The following FYN variants were observed in gnomAD, a reference collection of about 807,000 sequenced individuals.
FYN encodes FYN proto-oncogene, Src family tyrosine kinase.
Under a neutral mutation model 70.2 loss-of-function variants are expected in FYN, and 10 were observed. The ratio of observed to expected loss-of-function variants is 0.14; its 90% CI spans 0.09 to 0.24. The LOEUF (loss-of-function observed/expected upper bound fraction) is 0.24. FYN is among the 10% of genes least tolerant of loss of function. FYN has a pLI of 1.00. For missense variants in FYN, 319 were observed against 673.1 expected (o/e 0.47, Z 5.82); for synonymous variants, 236 against 248.6 (o/e 0.95, Z 0.48).
intron 3 of FYN, among the ~76,000 whole-genome samples, chr6:111,733,619 T>C (rs1801566639): frequency 6.6e-6 from 1 of 152,082 alleles, no homozygotes; most frequent in Non-Finnish European, 1.5e-5. Flanking sequence ...ATCAGTGCAT[T>C]AGCCCAGAAC....
chr6:111,810,011 T>G (rs1772274298), intron 2 of FYN, among the ~76,000 whole-genome samples: 1 of 152,168 alleles, frequency 6.6e-6, no homozygotes, highest in African/African-American at 2.4e-5. Flanking sequence ...TTTCCTTACT[T>G]TATAAAAAGC....
At chr6:111,856,548 T>C (rs184830925) in intron 1 of FYN, among the ~76,000 whole-genome samples, 18 of 152,314 alleles carry the variant, frequency 1.2e-4, no homozygotes, top group African/African-American at 3.6e-4. Context: ...TTAATCTATA[T>C]GGACATATGT....
At chr6:111,822,814 A>G (rs1356106890) in intron 2 of FYN, among the ~76,000 whole-genome samples, 1 of 152,114 alleles carries the variant, frequency 6.6e-6, no homozygotes, top group Non-Finnish European at 1.5e-5. Flanking sequence ...CGAGGGGAGG[A>G]CAATGTTGAG....
chr6:111,804,640 C>T (rs1772093574), intron 2 of FYN, among the ~76,000 whole-genome samples: 1 of 152,090 alleles, frequency 6.6e-6, no homozygotes, highest in East Asian at 1.9e-4. Context: ...TGGGGTATAA[C>T]ACATAATCAG....
intron 3 of FYN, among the ~76,000 whole-genome samples, chr6:111,776,267 T>C (rs1411307723): frequency 6.6e-6 from 1 of 151,772 alleles, no homozygotes; most frequent in Non-Finnish European, 1.5e-5. Flanking sequence ...GGGGTTGGAG[T>C]GGAGCAGGGG....
At chr6:111,689,092 A>G (rs1484259601) in intron 12 of FYN, among the ~76,000 whole-genome samples, 1 of 152,366 alleles carries the variant, frequency 6.6e-6, no homozygotes. Context: ...TTTACATTTC[A>G]CAACTCTCAA....
intron 3 of FYN, among the ~76,000 whole-genome samples, chr6:111,728,256 A>G (rs1437744350): frequency 6.6e-6 from 1 of 152,188 alleles, no homozygotes; most frequent in Non-Finnish European, 1.5e-5. Flanking sequence ...ACAGGTTGTA[A>G]AGTTTTTTCA....
chr6:111,660,991 G>C lies in FYN; in HGVS notation c.*748C>G, dbSNP rs1228323545. On this transcript the variant is annotated 3_prime_UTR_variant, in exon 14 of 14. Coordinates refer to ENST00000354650, the MANE Select transcript of FYN (RefSeq NM_002037.5). Reference sequence around the variant, plus strand: ...CAGCTTGGGGGGTGGTTCCTGAAAAGAGTCAAAGTAACAACCACCTACAGG... The same window carrying C: ...CAGCTTGGGGGGTGGTTCCTGAAAACAGTCAAAGTAACAACCACCTACAGG... 2 of 152,154 alleles carry C rather than the reference G, an allele frequency of 1.3e-5. No homozygotes were observed. Among genetic ancestry groups the C allele is most frequent in the African/African-American group, 4.8e-5 (2 of 41,430 alleles). 9.4% of individuals were successfully genotyped at this position (152,154 alleles called of 1,614,324 possible).
intron 12 of FYN, among the ~76,000 whole-genome samples, chr6:111,681,397 G>A: frequency 6.6e-6 from 1 of 152,180 alleles, no homozygotes; most frequent in East Asian, 1.9e-4. Context: ...CTGGGCTCAA[G>A]TGGTCCTCCT....
rs533541054 is a variant in FYN at position 111,795,169 on chromosome 6, C to T, written c.-81-14534G>A. Among the ~76,000 whole-genome samples the T allele has an allele frequency of 4.8e-4, 72 of 150,592 alleles. 3 individuals are homozygous for T. The South Asian group carries it at 5.6e-3, about 12-fold the overall frequency. The stretch of plus-strand genomic sequence containing the variant: ...ATGATTGAAACCCTAAACCCTAGCA[C>T]ACATCAGAATGTGACTATATTTGCA... On this transcript the variant is annotated intron_variant, in intron 2 of 13. Transcript: ENST00000354650.
chr6:111,682,620 T>A (rs1798824500), intron 12 of FYN, among the ~76,000 whole-genome samples: 1 of 152,204 alleles, frequency 6.6e-6, no homozygotes, highest in African/African-American at 2.4e-5. Flanking sequence ...GAGTGGATGC[T>A]CTTCAGTGAC....
chr6:111,740,306 C>T (rs1319569704), intron 3 of FYN, among the ~76,000 whole-genome samples: 1 of 152,128 alleles, frequency 6.6e-6, no homozygotes, highest in Non-Finnish European at 1.5e-5. Flanking sequence ...CATTTCAGTG[C>T]TGTTCATGAT....
chr6:111,734,468 A>G (rs1232891185), intron 3 of FYN, among the ~76,000 whole-genome samples: 1 of 152,118 alleles, frequency 6.6e-6, no homozygotes, highest in Non-Finnish European at 1.5e-5. Context: ...TTTTCAGAAG[A>G]CCTATGTCCT....
chr6:111,830,470 T>C (rs1418890700), intron 2 of FYN, among the ~76,000 whole-genome samples: 1 of 151,906 alleles, frequency 6.6e-6, no homozygotes, highest in Non-Finnish European at 1.5e-5. Context: ...GCAGACCACA[T>C]ACAAGGGAAG....
At chr6:111,840,394 G>C (rs1234505653) in intron 2 of FYN, among the ~76,000 whole-genome samples, 1 of 152,192 alleles carries the variant, frequency 6.6e-6, no homozygotes, top group Non-Finnish European at 1.5e-5. Context: ...GCAGAGACTG[G>C]AGTGATGTGG....
In FYN at chr6:111,822,852, T is replaced by C. The variant is rs150097331; in HGVS notation, c.-82+23737A>G. On this transcript the variant is annotated intron_variant, in intron 2 of 13. Transcript: ENST00000354650. The stretch of plus-strand genomic sequence containing the variant: ...GGAATGCATGTCAACCACACCATCA[T>C]TGACTGTCAAAGAGGCAGAGGAGCA... Among the ~76,000 whole-genome samples, 235 of 152,122 alleles carry C rather than the reference T, an allele frequency of 1.5e-3. 1 individual carries two copies. Among genetic ancestry groups the C allele is most frequent in the African/African-American group, 4.0e-3 (167 of 41,496 alleles).
chr6:111,843,799 TCAGA>T (rs1251421307), intron 2 of FYN, among the ~76,000 whole-genome samples: 2 of 152,180 alleles, frequency 1.3e-5, no homozygotes, highest in Non-Finnish European at 2.9e-5. Context: ...AACACTGCTG[TCAGA>T]CAGTCACTGC....
At chr6:111,865,231 G>A (rs1774071284) in intron 1 of FYN, among the ~76,000 whole-genome samples, 1 of 152,172 alleles carries the variant, frequency 6.6e-6, no homozygotes, top group African/African-American at 2.4e-5. Flanking sequence ...GAGGTCATGG[G>A]TTTACAAGGG....
intron 12 of FYN, among the ~76,000 whole-genome samples, chr6:111,687,801 G>A (rs544390611): frequency 6.6e-6 from 1 of 152,220 alleles, no homozygotes; most frequent in African/African-American, 2.4e-5. Context: ...ACAATTCTAT[G>A]ATATAGATAA....
Sources: allele counts gnomAD v4.1 joint callset (sites outside exome capture counted in the v4.1 genomes callset), GRCh38; gene constraint gnomAD v4.1.1; transcripts MANE v1.5; gene names NCBI Gene and HGNC (gene_info 2026-07-23, HGNC 2026-07-21).